TBC1D22A: variants seen among roughly 807,000 people sequenced by gnomAD.
The protein encoded by TBC1D22A is putative GTPase activator.
A neutral mutation model predicts 60.2 loss-of-function variants in TBC1D22A; 38 were observed. The observed-to-expected ratio is 0.63, with a 90% confidence interval of 0.49 to 0.83. The LOEUF is 0.83. TBC1D22A is among the 40% of genes least tolerant of loss of function. The probability of loss-of-function intolerance (pLI) is 0.00; values close to 1 mark genes in which losing one functional copy is unlikely to be tolerated. For missense variants in TBC1D22A, 628 were observed against 701.0 expected, an observed-to-expected ratio of 0.90 and a Z score of 1.18; for synonymous variants, 302 against 281.7, an observed-to-expected ratio of 1.07 and a Z score of -0.72.
At chr22:46,842,008 G>T (rs1664052934) in intron 4 of TBC1D22A, among the ~76,000 whole-genome samples, 1 of 152,134 alleles carries the variant, frequency 6.6e-6, no homozygotes, top group Non-Finnish European at 1.5e-5. Context: ...GAAAAAAATT[G>T]CATCCAGATA....
intron 11 of TBC1D22A, among the ~76,000 whole-genome samples, chr22:47,054,794 G>T (rs1299882333): frequency 6.6e-6 from 1 of 152,206 alleles, no homozygotes; most frequent in Non-Finnish European, 1.5e-5. Flanking sequence ...AAGTTGTGGG[G>T]CAAGGGCGAG....
chr22:47,007,273 G>C (rs764603510), intron 10 of TBC1D22A, among the ~76,000 whole-genome samples: 1 of 152,200 alleles, frequency 6.6e-6, no homozygotes, highest in Non-Finnish European at 1.5e-5. Flanking sequence ...CTGGCTCGCT[G>C]TGCCTAGGGC....
At chr22:46,952,929 G>A (rs918117964) in intron 8 of TBC1D22A, among the ~76,000 whole-genome samples, 1 of 152,120 alleles carries the variant, frequency 6.6e-6, no homozygotes, top group African/African-American at 2.4e-5. Context: ...CTGATCCGAG[G>A]GTGGTCTCGT....
At chr22:46,763,487 T>G (rs1162134231) in intron 1 of TBC1D22A, among the ~76,000 whole-genome samples, 1 of 145,472 alleles carries the variant, frequency 6.9e-6, no homozygotes, top group Non-Finnish European at 1.5e-5. Flanking sequence ...AGCTCCAGAG[T>G]CCTTGTCTGA....
chr22:47,160,044 A>G (rs1279454495), intron 12 of TBC1D22A, among the ~76,000 whole-genome samples: 1 of 149,164 alleles, frequency 6.7e-6, no homozygotes. Flanking sequence ...CACCACACAC[A>G]CAGGACTTGC....
At chr22:46,955,835 C>T (rs1003103723) in intron 8 of TBC1D22A, among the ~76,000 whole-genome samples, 3 of 152,192 alleles carry the variant, frequency 2.0e-5, no homozygotes, top group African/African-American at 7.2e-5. Flanking sequence ...CACTGAACAG[C>T]CCAGTGCCTC....
At chr22:47,096,999 C>T (rs1006180253) in intron 11 of TBC1D22A, among the ~76,000 whole-genome samples, 2 of 82,780 alleles carry the variant, frequency 2.4e-5, no homozygotes. Context: ...AACGTTCCAT[C>T]CTTTGCCTTC....
chr22:46,848,372 AG>A (rs1160607192), intron 4 of TBC1D22A, among the ~76,000 whole-genome samples: 2 of 152,226 alleles, frequency 1.3e-5, no homozygotes, highest in Non-Finnish European at 2.9e-5. Context: ...GTGGAGAGCC[AG>A]CTAGAGGTGA....
intron 8 of TBC1D22A, among the ~76,000 whole-genome samples, chr22:46,938,436 C>T (rs1025585578): frequency 2.6e-5 from 4 of 152,082 alleles, no homozygotes; most frequent in East Asian, 1.9e-4. Flanking sequence ...ATGAAATAGA[C>T]GAGTGATGCA....
At chr22:47,043,044 C>G (rs930680231) in intron 11 of TBC1D22A, among the ~76,000 whole-genome samples, 6 of 152,186 alleles carry the variant, frequency 3.9e-5, no homozygotes, top group African/African-American at 1.4e-4. Flanking sequence ...CGGGTTGGGC[C>G]CTGTTCTCAG....
intron 11 of TBC1D22A, among the ~76,000 whole-genome samples, chr22:47,086,185 C>G (rs1020872968): frequency 4.6e-5 from 7 of 152,188 alleles, no homozygotes; most frequent in Non-Finnish European, 8.8e-5. Context: ...CCATGGCTGG[C>G]CGAGCGCGGT....
At chr22:46,910,264 T>A (rs1471172253) in intron 7 of TBC1D22A, among the ~76,000 whole-genome samples, 2 of 152,066 alleles carry the variant, frequency 1.3e-5, no homozygotes, top group Non-Finnish European at 2.9e-5. Flanking sequence ...GGGCCTGGAC[T>A]TTAGGGCTGG....
intron 11 of TBC1D22A, among the ~76,000 whole-genome samples, chr22:47,071,552 A>G (rs1306378205): frequency 6.6e-6 from 1 of 152,178 alleles, no homozygotes; most frequent in Non-Finnish European, 1.5e-5. Flanking sequence ...CTTTGCTTTC[A>G]CAATCAAAGT....
chr22:47,127,353 G>C (rs1213815119), intron 12 of TBC1D22A, among the ~76,000 whole-genome samples: 1 of 149,774 alleles, frequency 6.7e-6, no homozygotes, highest in Non-Finnish European at 1.5e-5. Flanking sequence ...TCAGCCCCAC[G>C]AGTAGCTGGG....
chr22:46,806,455 A>C (rs1461825542), intron 4 of TBC1D22A, among the ~76,000 whole-genome samples: 1 of 150,036 alleles, frequency 6.7e-6, no homozygotes, highest in Non-Finnish European at 1.5e-5. Context: ...TTTTTGTTTT[A>C]AGATGGTTTA....
At chr22:46,919,147 C>T (rs555920568) in intron 8 of TBC1D22A, among the ~76,000 whole-genome samples, 1 of 152,314 alleles carries the variant, frequency 6.6e-6, no homozygotes, top group Non-Finnish European at 1.5e-5. Context: ...TTGGCAGTCA[C>T]TCCCCATCCT....
chr22:46,950,288 A>T (rs2072818553), intron 8 of TBC1D22A, among the ~76,000 whole-genome samples: 1 of 152,160 alleles, frequency 6.6e-6, no homozygotes, highest in Non-Finnish European at 1.5e-5. Context: ...GGGAGGGTAG[A>T]GTTGCCATTC....
chr22:46,977,906 C>T (rs1442041892), intron 9 of TBC1D22A, among the ~76,000 whole-genome samples: 3 of 152,238 alleles, frequency 2.0e-5, no homozygotes. Flanking sequence ...CCAGGCCACG[C>T]CTCCAGCACA....
chr22:46,853,379 C>T (rs541651738), intron 4 of TBC1D22A, among the ~76,000 whole-genome samples: 2 of 152,276 alleles, frequency 1.3e-5, no homozygotes, highest in South Asian at 4.1e-4. Flanking sequence ...TCAACCGTAC[C>T]GTGGAAGGAT....
Sources: gnomAD v4.1 joint callset for allele counts (sites outside exome capture counted in the v4.1 genomes callset) on GRCh38, gnomAD v4.1.1 for gene constraint, MANE v1.5 for transcripts, NCBI Gene and HGNC (gene_info 2026-07-23, HGNC 2026-07-21) for gene names.